BRWD1: variants seen among roughly 807,000 people sequenced by gnomAD.
BRWD1 encodes bromodomain and WD repeat domain containing 1.
Under a neutral mutation model 251.2 loss-of-function variants are expected in BRWD1, and 82 were observed. That is an observed-to-expected ratio of 0.33 (90% CI 0.27 to 0.39). The LOEUF is 0.39. BRWD1 is among the 10% of genes least tolerant of loss of function. The pLI is 1.00. For missense variants in BRWD1, 2,233 were observed against 2,711.6 expected (o/e 0.82, Z 3.92); for synonymous variants, 918 against 902.8 (o/e 1.02, Z -0.30).
intron 19 of BRWD1, among the ~76,000 whole-genome samples, chr21:39,252,193 G>A (rs555243363): frequency 6.7e-6 from 1 of 148,818 alleles, no homozygotes; most frequent in Non-Finnish European, 1.5e-5. Flanking sequence ...AGGCTGAAGT[G>A]AGCCAAGATC....
At chr21:39,230,927 T>A (rs185375950) in intron 25 of BRWD1, among the ~76,000 whole-genome samples, 64 of 151,704 alleles carry the variant, frequency 4.2e-4, no homozygotes, top group Non-Finnish European at 8.7e-4. Flanking sequence ...GCTCTGAGAG[T>A]ACTGTTTGGG....
intron 4 of BRWD1, among the ~76,000 whole-genome samples, chr21:39,303,822 C>CA (rs535962983): frequency 0.088 from 12,109 of 137,362 alleles, 556 homozygotes; most frequent in Non-Finnish European, 0.11. Flanking sequence ...GACCCTGTCT[C>CA]AAAAAAAAAA....
At chr21:39,205,755 A>G (rs2032357048) in intron 37 of BRWD1, among the ~76,000 whole-genome samples, 1 of 152,050 alleles carries the variant, frequency 6.6e-6, no homozygotes, top group African/African-American at 2.4e-5. Flanking sequence ...TAGGTAACAG[A>G]GAGAGACTCC....
chr21:39,314,216 C>T (rs759474559), upstream of BRWD1: 1 of 455,820 alleles, frequency 2.2e-6, no homozygotes. Flanking sequence ...CGCCCGGACC[C>T]GCGCTCCTGG....
At chr21:39,232,344 T>C in intron 24 of BRWD1, 29 bp downstream of exon 24, 1 of 1,599,524 alleles carries the variant, frequency 6.3e-7, no homozygotes, top group East Asian at 2.2e-5. Flanking sequence ...TGTTCCATAT[T>C]CGTGTTTTTA....
intron 21 of BRWD1, among the ~76,000 whole-genome samples, chr21:39,244,047 G>T (rs919812823): frequency 6.6e-6 from 1 of 151,898 alleles, no homozygotes; most frequent in Admixed American, 6.6e-5. Context: ...GTAAGGCAGG[G>T]TTTCTGCTCT....
At position 39,186,411 on chromosome 21, in the gene BRWD1, C is replaced by G. The variant is rs1196064394; in HGVS notation, c.*9848G>C. 1 of 152,174 alleles carries G rather than the reference C, an allele frequency of 6.6e-6. No individual in the cohort carries two copies. The highest frequency in any genetic ancestry group is 2.4e-5 in the African/African-American group (1 of 41,436). 9.4% of individuals were successfully genotyped at this position (152,174 alleles called of 1,614,324 possible). A position where few individuals can be genotyped will look rare whatever the true frequency, so the allele number is the denominator to read the frequency against. ...TCTCTAATTGCCTATTTCCAACACT[C>G]TACTTCAGAACTCAATAATCAGTAT... On this transcript the variant is annotated 3_prime_UTR_variant, in exon 41 of 41. Coordinates refer to ENST00000342449, the MANE Select transcript of BRWD1 (RefSeq NM_033656.4).
chr21:39,284,510 C>G (rs1393273794), intron 8 of BRWD1, among the ~76,000 whole-genome samples: 1 of 151,776 alleles, frequency 6.6e-6, no homozygotes, highest in Non-Finnish European at 1.5e-5. Context: ...ATACTGTTTC[C>G]CATAATAGTT....
At chr21:39,233,881 G>A (rs1055751878) in intron 23 of BRWD1, among the ~76,000 whole-genome samples, 2 of 152,130 alleles carry the variant, frequency 1.3e-5, no homozygotes, top group African/African-American at 4.8e-5. Context: ...CTAACCGAGC[G>A]TGGTGGTGTG....
chr21:39,312,991 G>GGGCGGGCGGCGGT, intron 3 of BRWD1, 81 bp downstream of exon 3: 1 of 1,064,152 alleles, frequency 9.4e-7, no homozygotes, highest in Non-Finnish European at 1.2e-6. Flanking sequence ...CGGGCGGCGG[G>GGGCGGGCGGCGGT]CGGGGGGCGC....
chr21:39,220,059 G>A (rs563473158), intron 29 of BRWD1, among the ~76,000 whole-genome samples: 1 of 142,908 alleles, frequency 7.0e-6, no homozygotes, highest in East Asian at 2.3e-4. Context: ...TCAAAGCCGG[G>A]ATCTAAGTTC....
At chr21:39,297,274 C>G (rs2035986426) in intron 5 of BRWD1, 1 of 985,454 alleles carries the variant, frequency 1.0e-6, no homozygotes, top group Non-Finnish European at 1.2e-6. Context: ...CCCAAACTAA[C>G]AGACATATTG....
At chr21:39,219,293 C>T (rs1381460089) in intron 29 of BRWD1, 1 of 152,170 alleles carries the variant, frequency 6.6e-6, no homozygotes, top group Non-Finnish European at 1.5e-5. Context: ...TGGTGGGGCA[C>T]ACCTGTAATC....
At chr21:39,294,953 T>A (rs972056178) in intron 7 of BRWD1, among the ~76,000 whole-genome samples, 5 of 152,110 alleles carry the variant, frequency 3.3e-5, no homozygotes, top group African/African-American at 1.2e-4. Flanking sequence ...AAATTCCAAA[T>A]TTTTTCAGAT....
At chr21:39,293,695 C>A in intron 8 of BRWD1, 116 bp downstream of exon 8, 1 of 765,654 alleles carries the variant, frequency 1.3e-6, no homozygotes, top group Non-Finnish European at 2.1e-6. Flanking sequence ...ATTATCACTT[C>A]TCTTACTTAA....
At chr21:39,285,336 G>T (rs943956351) in intron 8 of BRWD1, among the ~76,000 whole-genome samples, 8 of 152,046 alleles carry the variant, frequency 5.3e-5, no homozygotes, top group Non-Finnish European at 7.4e-5. Context: ...GGGAAGGGGG[G>T]GACCATGAGA....
chr21:39,301,437 G>A (rs995915257), intron 4 of BRWD1, among the ~76,000 whole-genome samples: 4 of 151,886 alleles, frequency 2.6e-5, no homozygotes, highest in African/African-American at 4.8e-5. Flanking sequence ...CCAAAAGGGC[G>A]AGGAACTGAG....
chr21:39,208,318 C>T (rs2032503377), intron 36 of BRWD1, among the ~76,000 whole-genome samples: 1 of 152,070 alleles, frequency 6.6e-6, no homozygotes, highest in Non-Finnish European at 1.5e-5. Context: ...TGACAAAAAT[C>T]CAAGCTTGGA....
At chr21:39,270,078 C>T in intron 14 of BRWD1, 45 bp from the exon 15 acceptor site, 8 of 1,461,972 alleles carry the variant, frequency 5.5e-6, no homozygotes, top group Non-Finnish European at 7.3e-6. Flanking sequence ...TTACAAGTTA[C>T]AAATTGAAAA....
Sources: gnomAD v4.1 joint callset for allele counts (sites outside exome capture counted in the v4.1 genomes callset) on GRCh38, gnomAD v4.1.1 for gene constraint, MANE v1.5 for transcripts, NCBI Gene and HGNC (gene_info 2026-07-23, HGNC 2026-07-21) for gene names.